The following EDIL3 variants were observed in gnomAD, a reference collection of about 807,000 sequenced individuals.
EDIL3 encodes the protein EGF like and discoidin domains 3.
Under a neutral mutation model 67.4 loss-of-function variants are expected in EDIL3, and 37 were observed. That is an observed-to-expected ratio of 0.55 (90% CI 0.42 to 0.72). The LOEUF (loss-of-function observed/expected upper bound fraction) is 0.72. Ranked by LOEUF, EDIL3 falls within the 30% of genes least tolerant of loss-of-function variation. The pLI, the probability that EDIL3 is intolerant of heterozygous loss-of-function variation, is 0.00. For missense variants in EDIL3, 527 were observed against 586.3 expected, an observed-to-expected ratio of 0.90 and a Z score of 1.04; for synonymous variants, 195 against 196.3, an observed-to-expected ratio of 0.99 and a Z score of 0.05.
intron 4 of EDIL3, among the ~76,000 whole-genome samples, chr5:84,169,803 C>G (rs1157843553): frequency 6.6e-6 from 1 of 151,914 alleles, no homozygotes; most frequent in Non-Finnish European, 1.5e-5. Context: ...TGAAGGACAT[C>G]TGTGCAATTC....
At chr5:84,058,093 G>A (rs1180139229) in intron 9 of EDIL3, among the ~76,000 whole-genome samples, 1 of 152,114 alleles carries the variant, frequency 6.6e-6, no homozygotes, top group Non-Finnish European at 1.5e-5. Flanking sequence ...ACAGAAGGCA[G>A]ATAATGCTGT....
intron 1 of EDIL3, among the ~76,000 whole-genome samples, chr5:84,288,603 C>T (rs762040900): frequency 2.0e-5 from 3 of 152,076 alleles, no homozygotes; most frequent in Non-Finnish European, 4.4e-5. Context: ...CGTCCTGTCA[C>T]CTCGGGATAT....
intron 5 of EDIL3, among the ~76,000 whole-genome samples, chr5:84,113,434 T>C (rs553263490): frequency 1.3e-5 from 2 of 152,304 alleles, no homozygotes; most frequent in East Asian, 3.9e-4. Context: ...AGACTAATAC[T>C]GAGCAAGTGA....
chr5:83,964,137 C>G (rs1359701412), intron 9 of EDIL3, among the ~76,000 whole-genome samples: 3 of 151,790 alleles, frequency 2.0e-5, no homozygotes, highest in African/African-American at 7.3e-5. Flanking sequence ...AATTGACATG[C>G]AAAAGATAGG....
intron 5 of EDIL3, among the ~76,000 whole-genome samples, chr5:84,126,400 A>C (rs1279426026): frequency 6.6e-6 from 1 of 152,086 alleles, no homozygotes; most frequent in Non-Finnish European, 1.5e-5. Flanking sequence ...CCCTTCTCAG[A>C]ATAATGCCTT....
intron 9 of EDIL3, among the ~76,000 whole-genome samples, chr5:84,050,189 C>A (rs1282301748): frequency 5.1e-5 from 5 of 98,368 alleles, no homozygotes. Context: ...CAGAGCGAAA[C>A]TCCATCTCAA....
At chr5:84,269,243 G>A (rs1223144345) in intron 1 of EDIL3, among the ~76,000 whole-genome samples, 1 of 151,982 alleles carries the variant, frequency 6.6e-6, no homozygotes, top group South Asian at 2.1e-4. Context: ...CAAATATATG[G>A]TATTCAAAAA....
chr5:84,058,985 G>A (rs78160721), intron 9 of EDIL3, among the ~76,000 whole-genome samples: 5,918 of 152,188 alleles, frequency 0.039, 381 homozygotes, highest in African/African-American at 0.13. Context: ...CCTATAGCAT[G>A]TGCTAGCTAA....
intron 9 of EDIL3, among the ~76,000 whole-genome samples, chr5:84,009,293 T>C (rs1464003629): frequency 6.6e-6 from 1 of 152,214 alleles, no homozygotes; most frequent in Non-Finnish European, 1.5e-5. Flanking sequence ...ACATCAAAAC[T>C]GCGAAATTGT....
intron 1 of EDIL3, among the ~76,000 whole-genome samples, chr5:84,294,001 T>G (rs375314053): frequency 6.6e-6 from 1 of 152,076 alleles, no homozygotes; most frequent in African/African-American, 2.4e-5. Context: ...ACATGAAGTA[T>G]GGCAGCATCC....
chr5:84,279,639 G>A (rs1294561773), intron 1 of EDIL3, among the ~76,000 whole-genome samples: 1 of 152,130 alleles, frequency 6.6e-6, no homozygotes, highest in Non-Finnish European at 1.5e-5. Context: ...TTGGATGGAT[G>A]CCTTGGTCTA....
At chr5:84,156,630 A>T (rs1182426315) in intron 4 of EDIL3, among the ~76,000 whole-genome samples, 1 of 152,232 alleles carries the variant, frequency 6.6e-6, no homozygotes, top group Non-Finnish European at 1.5e-5. Flanking sequence ...GGCTAAGTTT[A>T]AATGTTGCTA....
chr5:84,301,242 T>G (rs1424561401), intron 1 of EDIL3, among the ~76,000 whole-genome samples: 2 of 143,398 alleles, frequency 1.4e-5, no homozygotes, highest in African/African-American at 5.2e-5. Flanking sequence ...CACTCCAGCC[T>G]GGGCAACAAG....
At chr5:84,269,097 G>C (rs1040094124) in intron 1 of EDIL3, among the ~76,000 whole-genome samples, 2 of 152,044 alleles carry the variant, frequency 1.3e-5, no homozygotes, top group Admixed American at 1.3e-4. Flanking sequence ...TATCCTTTCT[G>C]AAAATTTATA....
At chr5:84,075,232 G>C (rs1746828634) in intron 6 of EDIL3, among the ~76,000 whole-genome samples, 1 of 151,868 alleles carries the variant, frequency 6.6e-6, no homozygotes, top group Non-Finnish European at 1.5e-5. Context: ...ATAGCATTAG[G>C]AGATATACCT....
intron 2 of EDIL3, among the ~76,000 whole-genome samples, chr5:84,237,674 C>T (rs925497933): frequency 2.6e-5 from 4 of 151,936 alleles, no homozygotes; most frequent in Admixed American, 1.3e-4. Flanking sequence ...AAATAAAGTC[C>T]ATAATCCTAA....
intron 3 of EDIL3, among the ~76,000 whole-genome samples, chr5:84,219,064 C>T (rs904803822): frequency 2.0e-5 from 3 of 152,168 alleles, no homozygotes; most frequent in Admixed American, 6.5e-5. Flanking sequence ...CAGTGCTGTG[C>T]TGGCTTCAGG....
intron 6 of EDIL3, among the ~76,000 whole-genome samples, chr5:84,086,662 A>T (rs73134298): frequency 2.0e-3 from 300 of 152,288 alleles, no homozygotes; most frequent in African/African-American, 7.0e-3. Context: ...AGGGACTAGC[A>T]CTATCATATT....
intron 3 of EDIL3, among the ~76,000 whole-genome samples, chr5:84,214,013 C>G (rs1477808659): frequency 6.6e-6 from 1 of 152,174 alleles, no homozygotes; most frequent in African/African-American, 2.4e-5. Flanking sequence ...GTGCTGTCCT[C>G]TGAGCCACTG....
Sources: allele counts gnomAD v4.1 joint callset (sites outside exome capture counted in the v4.1 genomes callset), GRCh38; gene constraint gnomAD v4.1.1; transcripts MANE v1.5; gene names NCBI Gene and HGNC (gene_info 2026-07-23, HGNC 2026-07-21).